SIPA1L2: variants seen among roughly 807,000 people sequenced by gnomAD.
The protein encoded by SIPA1L2 is signal induced proliferation associated 1 like 2.
In SIPA1L2, 56 loss-of-function variants were observed where a neutral mutation model predicts 163.9. The ratio of observed to expected loss-of-function variants is 0.34; its 90% confidence interval spans 0.28 to 0.43. The LOEUF (loss-of-function observed/expected upper bound fraction) is 0.43, where lower values mean the gene tolerates loss of function less well. Ranked by LOEUF, SIPA1L2 falls within the 20% of genes least tolerant of loss-of-function variation. The probability of loss-of-function intolerance (pLI) is 1.00; values close to 1 mark genes in which losing one functional copy is unlikely to be tolerated. For synonymous variants in SIPA1L2, 877 were observed against 865.7 expected, an observed-to-expected ratio of 1.01 and a Z score of -0.23; for missense variants, 1,974 against 2,193.5, an observed-to-expected ratio of 0.90 and a Z score of 2.00.
intron 5 of SIPA1L2, among the ~76,000 whole-genome samples, chr1:232,486,743 A>G (rs1459975951): frequency 6.6e-6 from 1 of 152,226 alleles, no homozygotes; most frequent in Non-Finnish European, 1.5e-5. Flanking sequence ...ACAGAATGAA[A>G]TGTTCAGTAA....
Position 232,515,448 on chromosome 1 carries a change from G to A in SIPA1L2, c.-109C>T. 8.1e-7 allele frequency: 1 copy of A among 1,227,998 alleles called. No homozygotes were observed. Among genetic ancestry groups the A allele is most frequent in the Non-Finnish European group, 1.1e-6 (1 of 913,916 alleles). 76.1% of individuals were successfully genotyped at this position (1,227,998 alleles called of 1,614,324 possible). ...TGCAGATATAAAGGCTTTGTCTGTAGTTGTATTTTTTCTTTTCTTAGCCCA... is the reference window on the plus strand; with the variant it reads ...TGCAGATATAAAGGCTTTGTCTGTAATTGTATTTTTTCTTTTCTTAGCCCA... On this transcript the variant is annotated 5_prime_UTR_variant, in exon 3 of 23. Transcript: ENST00000674635.
chr1:232,439,356 G>A lies in SIPA1L2; in HGVS notation c.3783C>T (p.Ala1261=), dbSNP rs754145866. 1.2e-6 allele frequency: 2 copies of A among 1,614,178 alleles called. No individual in the cohort carries two copies. Among genetic ancestry groups the A allele is most frequent in the Non-Finnish European group, 1.7e-6 (2 of 1,180,034 alleles). The part of the protein sequence containing the change: ...ELLGLTYIKG[A]STDSGIDTAP... ...CCGTGTCGATGCCACTGTCGGTGGA[G>A]GCCCCTTTGATGTAGGTCAGCCCCA... The change falls in exon 15 of 23, where the codon GCC becomes GCT. Residue 1261 remains alanine, a synonymous_variant. Coordinates refer to ENST00000674635, the MANE Select transcript of SIPA1L2 (RefSeq NM_020808.5).
At position 232,555,427 on chromosome 1, in the gene SIPA1L2, T is replaced by C. The variant is rs1309140846; in HGVS notation, c.-270+18747A>G. Among the ~76,000 whole-genome samples, 8 of 152,212 alleles carry C rather than the reference T, an allele frequency of 5.3e-5. No homozygotes were observed. The East Asian group carries it at 1.5e-3, about 29-fold the overall frequency. ...GAGTGAGGAGTCAGGTTCCCCAAGG[T>C]GTACTTCTAACCAGAATTCCCCAAG... is the stretch of plus-strand genomic sequence containing the variant. On this transcript the variant is annotated intron_variant, in intron 2 of 22. Coordinates refer to ENST00000674635, the MANE Select transcript of SIPA1L2 (RefSeq NM_020808.5).
In SIPA1L2 at chr1:232,432,476, G is replaced by A; in HGVS notation, c.4032-5C>T. 1.2e-6 allele frequency: 2 copies of A among 1,612,942 alleles called. No individual in the cohort carries two copies. The highest frequency in any genetic ancestry group is 2.2e-5 in the South Asian group (2 of 91,044). ...CTTCCTGAATGGTGAGAACCACTGA[G>A]GAGAAAAACAGACAAAAGCTGCAAT... On this transcript the variant is annotated splice_region_variant and splice_polypyrimidine_tract_variant and intron_variant, in intron 15 of 22. Coordinates refer to ENST00000674635, the MANE Select transcript of SIPA1L2 (RefSeq NM_020808.5).
At chr1:232,492,789 T>C (rs1019986634) in intron 4 of SIPA1L2, among the ~76,000 whole-genome samples, 1 of 152,202 alleles carries the variant, frequency 6.6e-6, no homozygotes, top group Admixed American at 6.5e-5. Flanking sequence ...TAACCTGTTG[T>C]TGATTTTACA....
In SIPA1L2 at chr1:232,461,055, G is replaced by T; in HGVS notation, c.2927C>A (p.Pro976His). The T allele has an allele frequency of 6.2e-7, 1 of 1,614,274 alleles. No individual in the cohort carries two copies. The highest frequency in any genetic ancestry group is 8.5e-7 in the Non-Finnish European group (1 of 1,180,048). Residue 976 changes from proline to histidine, a missense_variant, in exon 10 of 23, where the codon CCT becomes CAT. Around this residue, in one of 3 missense-constraint regions of SIPA1L2, gnomAD observed 1,079 missense variants for 1,150.7 expected, o/e 0.94. Transcript: ENST00000674635. ...GCCAGCCTTCCAGGCAAAGCCAAAA[G>T]GTTCCACATCTGCGACAATTCCTTC... ...NFEGIVADVE[P>H]FGFAWKAGLR... is the part of the protein sequence containing the mutation.
intron 18 of SIPA1L2, among the ~76,000 whole-genome samples, chr1:232,421,672 C>T (rs1253330170): frequency 2.1e-5 from 2 of 96,750 alleles, no homozygotes; most frequent in Admixed American, 1.0e-4. Context: ...TCCTTATCAT[C>T]TACAACACAA....
chr1:232,410,516 C>A (rs1660886922), intron 19 of SIPA1L2, among the ~76,000 whole-genome samples: 2 of 151,908 alleles, frequency 1.3e-5, no homozygotes, highest in Middle Eastern at 6.8e-3. Context: ...AGAATCCTAT[C>A]ATGCAAGAAG....
At chr1:232,598,963 C>CA (rs3028130) in intron 1 of SIPA1L2, among the ~76,000 whole-genome samples, 2,458 of 123,474 alleles carry the variant, frequency 0.02, 76 homozygotes, top group African/African-American at 0.075. Flanking sequence ...CTCTACCCCT[C>CA]AAAAAAAAAA....
rs2275305 is a variant in SIPA1L2, at chr1:232,403,804, T to C, written c.4817-233A>G. ...GTATGGCCTATGCACATCACAGCCA[T>C]GGGGACAATTAGCAGACACTGGATT... On this transcript the variant is annotated intron_variant, in intron 20 of 22. Coordinates refer to ENST00000674635, the MANE Select transcript of SIPA1L2 (RefSeq NM_020808.5). Among the ~76,000 whole-genome samples, 23 of 152,304 alleles carry C rather than the reference T, an allele frequency of 1.5e-4. No individual in the cohort carries two copies. The East Asian group carries it at 4.4e-3, about 29-fold the overall frequency.
rs1359853284 is a variant in SIPA1L2 at position 232,455,714 on chromosome 1, C to CAAAAAAAAAA, written c.3095+5163_3095+5172dup. Among the ~76,000 whole-genome samples, 275 of 82,716 alleles carry CAAAAAAAAAA rather than the reference C, an allele frequency of 3.3e-3. 2 individuals carry two copies. Among genetic ancestry groups the CAAAAAAAAAA allele is most frequent in the Middle Eastern group, 8.9e-3 (1 of 112 alleles). 54.3% of individuals were successfully genotyped at this position (82,716 alleles called of 152,430 possible). On this transcript the variant is annotated intron_variant, in intron 10 of 22. Transcript: ENST00000674635. ...TGGGCAACAGAGCGAGACTCTGTCT[C>CAAAAAAAAAA]AAAAAAAAAAAAAAAAAGAGAAAAT...
intron 22 of SIPA1L2, 34 bp downstream of exon 22, chr1:232,402,358 A>T (rs1258112584): frequency 7.5e-6 from 12 of 1,591,790 alleles, no homozygotes; most frequent in Non-Finnish European, 1.0e-5. Flanking sequence ...TTTATAAGAG[A>T]AACAGTTCTG....
intron 9 of SIPA1L2, 92 bp from the exon 10 acceptor site, chr1:232,461,253 C>G: frequency 6.6e-7 from 1 of 1,514,656 alleles, no homozygotes; most frequent in East Asian, 2.3e-5. Flanking sequence ...CCATGCCAGC[C>G]CTCTCCCTTG....
At chr1:232,443,196 T>C (rs1663006928) in intron 12 of SIPA1L2, among the ~76,000 whole-genome samples, 1 of 152,144 alleles carries the variant, frequency 6.6e-6, no homozygotes, top group South Asian at 2.1e-4. Context: ...GTGGATACTA[T>C]AAAGGGCAGC....
chr1:232,572,778 TATTTA>T (rs1391047407), intron 2 of SIPA1L2, among the ~76,000 whole-genome samples: 8 of 56,564 alleles, frequency 1.4e-4, no homozygotes, highest in Admixed American at 2.1e-4. Context: ...TATATATATA[TATTTA>T]TTTATTTATT....
chr1:232,566,185 T>C (rs1659393995), intron 2 of SIPA1L2, among the ~76,000 whole-genome samples: 1 of 152,220 alleles, frequency 6.6e-6, no homozygotes, highest in Admixed American at 6.5e-5. Flanking sequence ...TTTGTTTTCT[T>C]TTGTTTTGAA....
At chr1:232,479,902 G>A (rs1001158900) in intron 6 of SIPA1L2, among the ~76,000 whole-genome samples, 172 bp from the exon 7 acceptor site, 2 of 152,168 alleles carry the variant, frequency 1.3e-5, no homozygotes, top group Middle Eastern at 3.4e-3. Flanking sequence ...TACCACTCCC[G>A]CTCCAGGACT....
At chr1:232,490,563 T>G in intron 5 of SIPA1L2, 1 of 256,548 alleles carries the variant, frequency 3.9e-6, no homozygotes, top group South Asian at 6.1e-5. Context: ...CATAAGAGAT[T>G]TTTAAACCCT....
At chr1:232,457,137 T>TG (rs1174738966) in intron 10 of SIPA1L2, among the ~76,000 whole-genome samples, 1 of 152,114 alleles carries the variant, frequency 6.6e-6, no homozygotes, top group Non-Finnish European at 1.5e-5. Context: ...AAAACACAGG[T>TG]GGCTTTGGAT....
Sources: gnomAD v4.1 joint callset for allele counts (sites outside exome capture counted in the v4.1 genomes callset) on GRCh38, gnomAD v4.1.1 for gene constraint, gnomAD v4.1.1 regional missense constraint, MANE v1.5 for transcripts, NCBI Gene and HGNC (gene_info 2026-07-23, HGNC 2026-07-21) for gene names.